Variants in SYNPR observed in about 807,000 individuals in gnomAD.
The protein encoded by SYNPR is synaptoporin.
A neutral mutation model predicts 32.9 loss-of-function variants in SYNPR; 23 were observed. The ratio of observed to expected loss-of-function variants is 0.70; its 90% CI spans 0.50 to 0.99. The LOEUF (loss-of-function observed/expected upper bound fraction) is 0.99, where lower values mean the gene tolerates loss of function less well. Among genes scored for constraint, SYNPR ranks in the 50% least tolerant of loss-of-function variants. SYNPR has a pLI of 0.00. For missense variants in SYNPR, 318 were observed against 349.3 expected, an observed-to-expected ratio of 0.91 and a Z score of 0.71; for synonymous variants, 146 against 135.9, an observed-to-expected ratio of 1.07 and a Z score of -0.52.
At chr3:63,411,897 G>A (rs1326474754) in intron 2 of SYNPR, among the ~76,000 whole-genome samples, 1 of 152,110 alleles carries the variant, frequency 6.6e-6, no homozygotes, top group Non-Finnish European at 1.5e-5. Flanking sequence ...ATTGTCAGAT[G>A]TGCATTCTAA....
intron 4 of SYNPR, among the ~76,000 whole-genome samples, chr3:63,576,163 G>T (rs1337118174): frequency 6.6e-6 from 1 of 152,120 alleles, no homozygotes; most frequent in Non-Finnish European, 1.5e-5. Flanking sequence ...CACAAGATCA[G>T]CAGCGTCCAT....
chr3:63,257,777 T>C (rs1037667898), intron 2 of SYNPR, among the ~76,000 whole-genome samples: 2 of 152,086 alleles, frequency 1.3e-5, no homozygotes, highest in African/African-American at 4.8e-5. Context: ...GACTGGTAAA[T>C]TGGATAAAGA....
At chr3:63,473,724 C>T (rs913013396) in intron 2 of SYNPR, among the ~76,000 whole-genome samples, 10 of 152,216 alleles carry the variant, frequency 6.6e-5, no homozygotes, top group South Asian at 2.1e-4. Context: ...TTCGTGCAAA[C>T]CATGTGAGGA....
At chr3:63,283,810 C>CTTT (rs142282438) in intron 2 of SYNPR, among the ~76,000 whole-genome samples, 1,897 of 87,184 alleles carry the variant, frequency 0.022, 123 homozygotes, top group African/African-American at 0.079. Context: ...AGATAATTAC[C>CTTT]TTTTTTTTTT....
intron 1 of SYNPR, among the ~76,000 whole-genome samples, chr3:63,231,976 G>A (rs2086169831): frequency 6.6e-6 from 1 of 152,044 alleles, no homozygotes; most frequent in South Asian, 2.1e-4. Context: ...TACTTGAGAA[G>A]CTATATTTCT....
intron 3 of SYNPR, among the ~76,000 whole-genome samples, chr3:63,507,136 G>C (rs1331713908): frequency 6.6e-5 from 10 of 151,192 alleles, no homozygotes; most frequent in Admixed American, 5.9e-4. Context: ...GACAGAGCGA[G>C]ACTCTGTCTC....
intron 1 of SYNPR, among the ~76,000 whole-genome samples, chr3:63,230,417 C>G (rs1010216514): frequency 3.3e-5 from 5 of 152,162 alleles, no homozygotes; most frequent in African/African-American, 1.2e-4. Flanking sequence ...GATTTAAAGG[C>G]TTAGTTTCAC....
At chr3:63,604,497 T>A (rs1389924022) in intron 4 of SYNPR, among the ~76,000 whole-genome samples, 2 of 152,200 alleles carry the variant, frequency 1.3e-5, no homozygotes, top group African/African-American at 4.8e-5. Context: ...TAAACTTCCC[T>A]CTTAACACTG....
At chr3:63,245,717 GTGTGTGTGTGTGTGTGTGTGTGT>G (rs2086282099) in intron 1 of SYNPR, among the ~76,000 whole-genome samples, 1 of 76,548 alleles carries the variant, frequency 1.3e-5, no homozygotes, top group Non-Finnish European at 2.6e-5. Flanking sequence ...GAGAGTGTGT[GTGTGTGTGTGTGTGTGTGTGTGT>G]ATGTGTGTGT....
intron 2 of SYNPR, among the ~76,000 whole-genome samples, chr3:63,455,787 G>GTGTGTGTGTGTGTGTGTGT (rs1559504354): frequency 6.6e-6 from 1 of 151,216 alleles, no homozygotes. Context: ...GTGTGTGTGT[G>GTGTGTGTGTGTGTGTGTGT]GATCTTCAGA....
intron 3 of SYNPR, among the ~76,000 whole-genome samples, chr3:63,522,690 G>C (rs1271512097): frequency 1.3e-5 from 2 of 151,980 alleles, no homozygotes; most frequent in African/African-American, 4.8e-5. Context: ...AGGATGTGTG[G>C]AATGGGAGGC....
At chr3:63,487,917 G>C (rs1701185884) in intron 3 of SYNPR, among the ~76,000 whole-genome samples, 1 of 152,140 alleles carries the variant, frequency 6.6e-6, no homozygotes, top group African/African-American at 2.4e-5. Flanking sequence ...GTGCTGCTCA[G>C]CTGGGCACTG....
At chr3:63,551,297 C>T (rs571405690) in intron 3 of SYNPR, among the ~76,000 whole-genome samples, 1 of 152,278 alleles carries the variant, frequency 6.6e-6, no homozygotes, top group South Asian at 2.1e-4. Flanking sequence ...TAAACTACAT[C>T]TTATTTATTC....
chr3:63,421,316 C>T (rs1480557186), intron 2 of SYNPR, among the ~76,000 whole-genome samples: 1 of 149,104 alleles, frequency 6.7e-6, no homozygotes, highest in Non-Finnish European at 1.5e-5. Context: ...CAAAGATTTG[C>T]AATTTTATTT....
chr3:63,259,830 G>C (rs140651151), intron 2 of SYNPR, among the ~76,000 whole-genome samples: 1 of 152,090 alleles, frequency 6.6e-6, no homozygotes, highest in Non-Finnish European at 1.5e-5. Flanking sequence ...AAACCCCATC[G>C]TCTCAGCCCA....
chr3:63,556,159 C>A (rs1702591389), intron 3 of SYNPR, among the ~76,000 whole-genome samples: 1 of 152,172 alleles, frequency 6.6e-6, no homozygotes, highest in Non-Finnish European at 1.5e-5. Flanking sequence ...GACAGAGCAG[C>A]AGGGGAGGAG....
At chr3:63,231,886 C>A (rs1421897462) in intron 1 of SYNPR, among the ~76,000 whole-genome samples, 1 of 152,166 alleles carries the variant, frequency 6.6e-6, no homozygotes, top group Non-Finnish European at 1.5e-5. Context: ...TTTACTGGAG[C>A]ATTTACAGCA....
chr3:63,489,714 C>T (rs1354307191), intron 3 of SYNPR, among the ~76,000 whole-genome samples: 1 of 152,078 alleles, frequency 6.6e-6, no homozygotes, highest in Non-Finnish European at 1.5e-5. Flanking sequence ...TAAATAAATA[C>T]ATATATATGC....
At chr3:63,534,579 G>A (rs1317151955) in intron 3 of SYNPR, among the ~76,000 whole-genome samples, 3 of 152,132 alleles carry the variant, frequency 2.0e-5, no homozygotes, top group Admixed American at 6.6e-5. Flanking sequence ...ATAAGAACCT[G>A]TCAGTACAGT....
Sources: allele counts gnomAD v4.1 joint callset (sites outside exome capture counted in the v4.1 genomes callset), GRCh38; gene constraint gnomAD v4.1.1; transcripts MANE v1.5; gene names NCBI Gene and HGNC (gene_info 2026-07-23, HGNC 2026-07-21).